LRRC28: variants seen among roughly 807,000 people sequenced by gnomAD.
The protein encoded by LRRC28 is leucine-rich repeat-containing protein 28.
In LRRC28, 39 loss-of-function variants were observed where a neutral mutation model predicts 45.7. That is an observed-to-expected ratio of 0.85 (90% CI 0.66 to 1.12). The LOEUF (loss-of-function observed/expected upper bound fraction) is 1.12. Among genes scored for constraint, LRRC28 ranks in the 50% most tolerant of loss-of-function variants. LRRC28 has a pLI of 0.00. For synonymous variants in LRRC28, 206 were observed against 178.8 expected (o/e 1.15, Z -1.22); for missense variants, 435 against 438.5 (o/e 0.99, Z 0.07).
At chr15:99,323,117 C>T (rs534774345) in intron 5 of LRRC28, among the ~76,000 whole-genome samples, 1 of 152,282 alleles carries the variant, frequency 6.6e-6, no homozygotes, top group South Asian at 2.1e-4. Context: ...CACTCAGAAA[C>T]ATCTCAGAAC....
intron 7 of LRRC28, among the ~76,000 whole-genome samples, chr15:99,354,208 G>A (rs1956977019): frequency 6.6e-6 from 1 of 152,038 alleles, no homozygotes; most frequent in South Asian, 2.1e-4. Context: ...AAACAGCTCT[G>A]GCCACTGTAT....
intron 5 of LRRC28, among the ~76,000 whole-genome samples, chr15:99,327,518 C>T (rs958138017): frequency 1.3e-5 from 2 of 152,068 alleles, no homozygotes; most frequent in Non-Finnish European, 1.5e-5. Flanking sequence ...TCCTTTTAAT[C>T]GTTTTAATTT....
intron 2 of LRRC28, 48 bp from the exon 3 acceptor site, chr15:99,276,528 T>C (rs1016271683): frequency 4.2e-6 from 6 of 1,441,364 alleles, no homozygotes; most frequent in Non-Finnish European, 5.6e-6. Flanking sequence ...TAGAAATGTT[T>C]AGACATTTTT....
chr15:99,290,221 T>C (rs972578190), intron 5 of LRRC28, among the ~76,000 whole-genome samples: 1 of 148,032 alleles, frequency 6.8e-6, no homozygotes, highest in Non-Finnish European at 1.5e-5. Flanking sequence ...ATTGCACCAC[T>C]GCACTCCAGC....
At chr15:99,347,241 CCT>C (rs1253068832) in intron 6 of LRRC28, among the ~76,000 whole-genome samples, 1 of 151,452 alleles carries the variant, frequency 6.6e-6, no homozygotes, top group Non-Finnish European at 1.5e-5. Flanking sequence ...ATGGAGTCTC[CCT>C]CTGTCACCCA....
intron 6 of LRRC28, among the ~76,000 whole-genome samples, chr15:99,336,469 T>C (rs1956324533): frequency 6.6e-6 from 1 of 152,242 alleles, no homozygotes; most frequent in Non-Finnish European, 1.5e-5. Context: ...CTGAACCATA[T>C]TGAGCATCTT....
At position 99,301,510 on chromosome 15, in the gene LRRC28, A is replaced by G. The variant is rs375320333; in HGVS notation, c.385+13559A>G. Among the ~76,000 whole-genome samples the G allele has an allele frequency of 1.1e-4, 16 of 152,368 alleles. 1 individual carries two copies. In the East Asian group the frequency reaches 2.1e-3, roughly 20 times the overall value. On this transcript the variant is annotated intron_variant, in intron 5 of 9. Transcript: ENST00000301981. ...GGAATTCCATGGAACTTTAAGTACTATAAACTTTCAATAAGGCAAAAGCCT... is the reference window on the plus strand; with the variant it reads ...GGAATTCCATGGAACTTTAAGTACTGTAAACTTTCAATAAGGCAAAAGCCT...
chr15:99,355,405 G>C (rs1257356329), intron 7 of LRRC28: 2 of 152,174 alleles, frequency 1.3e-5, no homozygotes, highest in African/African-American at 2.4e-5. Flanking sequence ...TGATTACACA[G>C]GTCAACCCTA....
intron 6 of LRRC28, among the ~76,000 whole-genome samples, chr15:99,335,653 C>CGG (rs2152296338): frequency 6.6e-6 from 1 of 152,160 alleles, no homozygotes; most frequent in African/African-American, 2.4e-5. Context: ...GGGCAACATA[C>CGG]CAATACCCTG....
At chr15:99,257,145 T>A (rs1458740635) in intron 2 of LRRC28, among the ~76,000 whole-genome samples, 1 of 152,206 alleles carries the variant, frequency 6.6e-6, no homozygotes, top group Non-Finnish European at 1.5e-5. Flanking sequence ...TTAGTTTATC[T>A]TTGCTCTGTC....
intron 9 of LRRC28, among the ~76,000 whole-genome samples, chr15:99,372,057 T>C (rs1957498725): frequency 6.6e-6 from 1 of 152,148 alleles, no homozygotes; most frequent in Admixed American, 6.5e-5. Flanking sequence ...TTGAGTAAGT[T>C]AATATGTACA....
Position 99,270,317 on chromosome 15 carries a change from A to G in LRRC28, c.169-6259A>G, listed in dbSNP as rs192457471. On this transcript the variant is annotated intron_variant, in intron 2 of 9. Transcript: ENST00000301981. ...TAAAATTAATCCTATTGAAATGACA[A>G]TAGGATTCAGTACATTCACCGTGGA... is the stretch of plus-strand genomic sequence containing the variant. 2.4e-3 allele frequency among the ~76,000 whole-genome samples: 360 copies of G among 152,288 alleles called. 1 individual carries two copies. Among genetic ancestry groups the G allele is most frequent in the African/African-American group, 8.4e-3 (347 of 41,554 alleles).
At chr15:99,330,702 C>G (rs979143678) in intron 5 of LRRC28, among the ~76,000 whole-genome samples, 1 of 152,082 alleles carries the variant, frequency 6.6e-6, no homozygotes, top group Non-Finnish European at 1.5e-5. Flanking sequence ...TTAGTCTGTT[C>G]ACATCTAATG....
At chr15:99,365,792 T>C (rs557925595) in intron 9 of LRRC28, among the ~76,000 whole-genome samples, 3 of 152,304 alleles carry the variant, frequency 2.0e-5, no homozygotes, top group Admixed American at 2.0e-4. Context: ...CAACCTAAAT[T>C]TAATACAGAG....
chr15:99,290,812 A>G (rs1291813971), intron 5 of LRRC28, among the ~76,000 whole-genome samples: 1 of 152,066 alleles, frequency 6.6e-6, no homozygotes, highest in African/African-American at 2.4e-5. Flanking sequence ...ACAATAAAAA[A>G]AAAAAATTAG....
intron 3 of LRRC28, chr15:99,285,303 C>T: frequency 1.4e-6 from 1 of 739,658 alleles, no homozygotes; most frequent in Non-Finnish European, 2.5e-6. Context: ...TGAGAATCTT[C>T]TCTTGAGACA....
At chr15:99,367,032 C>T (rs1486483744) in intron 9 of LRRC28, among the ~76,000 whole-genome samples, 1 of 152,170 alleles carries the variant, frequency 6.6e-6, no homozygotes, top group Non-Finnish European at 1.5e-5. Context: ...GCTGGGTGTC[C>T]TGTAAGGCCA....
intron 6 of LRRC28, among the ~76,000 whole-genome samples, chr15:99,340,653 T>G (rs149001469): frequency 1.1e-3 from 163 of 152,340 alleles, no homozygotes; most frequent in African/African-American, 3.6e-3. Flanking sequence ...ATTTGTGGCC[T>G]TAAGTAAATT....
intron 2 of LRRC28, chr15:99,257,812 T>A (rs2081069419): frequency 2.6e-6 from 2 of 778,972 alleles, no homozygotes; most frequent in African/African-American, 3.4e-5. Context: ...TTGGATAAAT[T>A]AAATGCATCA....
Sources: gnomAD v4.1 joint callset for allele counts (sites outside exome capture counted in the v4.1 genomes callset) on GRCh38, gnomAD v4.1.1 for gene constraint, MANE v1.5 for transcripts, NCBI Gene and HGNC (gene_info 2026-07-23, HGNC 2026-07-21) for gene names.